CLIP1: variants seen among roughly 807,000 people sequenced by gnomAD.
CLIP1 encodes the protein CAP-Gly domain-containing linker protein 1.
A neutral mutation model predicts 161.6 loss-of-function variants in CLIP1; 66 were observed. The observed-to-expected ratio is 0.41, with a 90% CI of 0.33 to 0.50. The LOEUF (loss-of-function observed/expected upper bound fraction) is 0.50, where lower values mean the gene tolerates loss of function less well. Ranked by LOEUF, CLIP1 falls within the 20% of genes least tolerant of loss-of-function variation. CLIP1 has a pLI of 0.27. For synonymous variants in CLIP1, 598 were observed against 626.2 expected, an observed-to-expected ratio of 0.96 and a Z score of 0.67; for missense variants, 1,376 against 1,702.0, an observed-to-expected ratio of 0.81 and a Z score of 3.37.
At chr12:122,395,730 A>G (rs1955887475) in intron 1 of CLIP1, 1 of 152,228 alleles carries the variant, frequency 6.6e-6, no homozygotes, top group African/African-American at 2.4e-5. Flanking sequence ...TATCTGTATT[A>G]CCTGCAAACT....
chr12:122,278,234 AGTGGAGGG>A, intron 23 of CLIP1, 31 bp from the exon 24 acceptor site: 1 of 1,418,478 alleles, frequency 7.0e-7, no homozygotes, highest in Non-Finnish European at 9.7e-7. Flanking sequence ...AAAAAAAACA[AGTGGAGGG>A]AGAATATATG....
chr12:122,419,503 C>T (rs1956863308), intron 1 of CLIP1, among the ~76,000 whole-genome samples: 1 of 152,056 alleles, frequency 6.6e-6, no homozygotes, highest in African/African-American at 2.4e-5. Context: ...CAGAAATCTA[C>T]CTGTAAGTAA....
At position 122,310,253 on chromosome 12, in the gene CLIP1, G is replaced by A. The variant is rs140336897; in HGVS notation, c.3474-371C>T. 4.0e-3 allele frequency among the ~76,000 whole-genome samples: 606 copies of A among 152,202 alleles called. 3 individuals carry two copies. Among genetic ancestry groups the A allele is most frequent in the African/African-American group, 0.012 (483 of 41,512 alleles). ...AGATGATTTTACTAAAACCCACTTC[G>A]TTGATAAAGTGATTTAATTTGCTGC... On this transcript the variant is annotated intron_variant, in intron 19 of 25. Transcript: ENST00000620786.
intron 1 of CLIP1, among the ~76,000 whole-genome samples, chr12:122,420,914 G>A (rs114388501): frequency 0.013 from 1,931 of 151,750 alleles, 45 homozygotes; most frequent in African/African-American, 0.039. Flanking sequence ...TGGCCGGGGG[G>A]ACAGATTGAG....
At chr12:122,333,183 A>G (rs367600048) in intron 14 of CLIP1, 40 bp from the exon 15 acceptor site, 23 of 1,486,612 alleles carry the variant, frequency 1.5e-5, no homozygotes, top group East Asian at 6.8e-5. Context: ...CGGCTGTGTT[A>G]TATCAACAAA....
intron 5 of CLIP1, among the ~76,000 whole-genome samples, chr12:122,359,756 C>T (rs1384546124): frequency 6.6e-6 from 1 of 152,170 alleles, no homozygotes; most frequent in Non-Finnish European, 1.5e-5. Flanking sequence ...TGCCCGACGA[C>T]AATGGAAGAG....
chr12:122,333,294 TAACGAA>T, intron 14 of CLIP1, 151 bp from the exon 15 acceptor site: 2 of 624,214 alleles, frequency 3.2e-6, no homozygotes, highest in Non-Finnish European at 2.7e-6. Flanking sequence ...ATAAGCAAGA[TAACGAA>T]AATAAATCAT....
intron 1 of CLIP1, among the ~76,000 whole-genome samples, chr12:122,412,067 T>C (rs970229302): frequency 7.6e-5 from 11 of 144,836 alleles, no homozygotes; most frequent in East Asian, 6.0e-4. Flanking sequence ...TTTCTTTTTT[T>C]TTTTTTTTTT....
chr12:122,351,042 T>C (rs1165642661), intron 9 of CLIP1, 69 bp downstream of exon 9: 1 of 1,175,144 alleles, frequency 8.5e-7, no homozygotes, highest in Non-Finnish European at 1.2e-6. Flanking sequence ...AGTATATCAA[T>C]AAGCATTTTA....
intron 1 of CLIP1, among the ~76,000 whole-genome samples, chr12:122,419,961 T>C (rs942258642): frequency 7.1e-6 from 1 of 141,586 alleles, no homozygotes; most frequent in Non-Finnish European, 1.5e-5. Context: ...GAATCAAACA[T>C]GACTGAGTTA....
intron 12 of CLIP1, 60 bp downstream of exon 12, chr12:122,336,572 A>T: frequency 1.2e-6 from 1 of 864,830 alleles, no homozygotes. Context: ...TTACTGGAGG[A>T]TTTTTTAAAA....
At chr12:122,308,973 G>A (rs1304759456) in intron 20 of CLIP1, among the ~76,000 whole-genome samples, 1 of 152,130 alleles carries the variant, frequency 6.6e-6, no homozygotes, top group African/African-American at 2.4e-5. Context: ...TCCCCTTGGA[G>A]TACAAAACAA....
intron 20 of CLIP1, among the ~76,000 whole-genome samples, chr12:122,301,189 C>T (rs1233729927): frequency 1.3e-5 from 2 of 152,130 alleles, no homozygotes; most frequent in African/African-American, 2.4e-5. Context: ...CTGTAAAGGA[C>T]GTTACTGGGA....
chr12:122,330,775 A>AT (rs199763439), intron 15 of CLIP1, among the ~76,000 whole-genome samples: 5 of 148,756 alleles, frequency 3.4e-5, no homozygotes, highest in South Asian at 2.1e-4. Flanking sequence ...CATTTTTTGT[A>AT]TTTTTTTAGT....
At chr12:122,421,161 C>G (rs1339822384) in intron 1 of CLIP1, among the ~76,000 whole-genome samples, 1 of 151,032 alleles carries the variant, frequency 6.6e-6, no homozygotes, top group South Asian at 2.1e-4. Flanking sequence ...GACGACAGCA[C>G]GCTCACTGGG....
rs1344242474 is a variant in CLIP1, at chr12:122,279,800, C to G, written c.3648-655G>C. The G allele has an allele frequency of 6.6e-6, 1 of 152,090 alleles. No individual in the cohort carries two copies. The highest frequency in any genetic ancestry group is 2.4e-5 in the African/African-American group (1 of 41,400). The allele number at this position is 152,090 out of a possible 1,614,324, so 9.4% of individuals were successfully genotyped here. A position where few individuals can be genotyped will look rare whatever the true frequency, so the allele number is the denominator to read the frequency against. ...AATGGTAATTACATAAAGGCTAGAA[C>G]AGAAAATGTTAAAATGGTTTTCTCA... On this transcript the variant is annotated intron_variant, in intron 21 of 25. Coordinates refer to ENST00000620786, the MANE Select transcript of CLIP1 (RefSeq NM_001247997.2). The surrounding 1 kb of genome is among the most constrained non-coding windows in gnomAD (Gnocchi z 4.5).
In CLIP1 at chr12:122,311,487, C is replaced by G. The variant is rs979192173; in HGVS notation, c.3474-1605G>C. Among the ~76,000 whole-genome samples the G allele has an allele frequency of 6.6e-6, 1 of 151,620 alleles. No homozygotes were observed. The highest frequency in any genetic ancestry group is 1.5e-5 in the Non-Finnish European group (1 of 67,964). Reference sequence around the variant, plus strand: ...TCGCCCAGGCTGGAGTGCAGTGGCACGAACTCGGCTCACTGCAAGCTCCAC... The same window carrying G: ...TCGCCCAGGCTGGAGTGCAGTGGCAGGAACTCGGCTCACTGCAAGCTCCAC... On this transcript the variant is annotated intron_variant, in intron 19 of 25. Transcript: ENST00000620786. This position sits in a 1 kb window ranked among gnomAD's most constrained non-coding sequence, Gnocchi z 4.3.
chr12:122,341,982 C>T lies in CLIP1; in HGVS notation c.1507-285G>A, dbSNP rs1377551814. On this transcript the variant is annotated intron_variant, in intron 10 of 25. Transcript: ENST00000620786. ...CATTTTTAGTAGAGATGGGGTTTCA[C>T]CATGTTGGTTAGGCTGGTCTCAAAC... is the stretch of plus-strand genomic sequence containing the variant. 3.6e-5 allele frequency: 7 copies of T among 196,072 alleles called. No homozygotes were observed. The East Asian group carries it at 8.7e-4, about 24-fold the overall frequency. The allele number at this position is 196,072 out of a possible 1,614,324, so 12.1% of individuals were successfully genotyped here.
At chr12:122,378,723 A>C (rs991549995) in intron 2 of CLIP1, among the ~76,000 whole-genome samples, 1 of 152,124 alleles carries the variant, frequency 6.6e-6, no homozygotes, top group Non-Finnish European at 1.5e-5. Flanking sequence ...TTCCAGGCAC[A>C]GTGGCTCACG....
Sources: allele counts gnomAD v4.1 joint callset (sites outside exome capture counted in the v4.1 genomes callset), GRCh38; gene constraint gnomAD v4.1.1; non-coding constraint Gnocchi (gnomAD v3.1); transcripts MANE v1.5; gene names NCBI Gene and HGNC (gene_info 2026-07-23, HGNC 2026-07-21).